RGMA: variants seen among roughly 807,000 people sequenced by gnomAD.
The protein encoded by RGMA is repulsive guidance molecule A.
In RGMA, 10 loss-of-function variants were observed where a neutral mutation model predicts 23.2. The ratio of observed to expected loss-of-function variants is 0.43; its 90% CI spans 0.27 to 0.73. The LOEUF (loss-of-function observed/expected upper bound fraction) is 0.73, where lower values mean the gene tolerates loss of function less well. RGMA is among the 30% of genes least tolerant of loss of function. The pLI is 0.20. For synonymous variants in RGMA, 308 were observed against 279.3 expected (o/e 1.10, Z -1.03); for missense variants, 547 against 630.5 (o/e 0.87, Z 1.42).
chr15:93,057,077 G>A (rs1313754226), intron 2 of RGMA, among the ~76,000 whole-genome samples: 1 of 152,134 alleles, frequency 6.6e-6, no homozygotes, highest in African/African-American at 2.4e-5. Flanking sequence ...TCACTCTCAG[G>A]GCGCAGTGGA....
intron 1 of RGMA, chr15:93,073,276 G>C: frequency 2.3e-6 from 2 of 881,454 alleles, no homozygotes. Context: ...TCGCGCTCGG[G>C]TTTCAGCGAG....
intron 1 of RGMA, chr15:93,073,824 C>T (rs1470146977): frequency 1.3e-6 from 2 of 1,521,214 alleles, no homozygotes; most frequent in Non-Finnish European, 1.8e-6. Context: ...AGACTTGCCC[C>T]GGCTGCGCCC....
At chr15:93,046,741 C>A (rs1265404991) in intron 3 of RGMA, among the ~76,000 whole-genome samples, 1 of 152,086 alleles carries the variant, frequency 6.6e-6, no homozygotes, top group Non-Finnish European at 1.5e-5. Flanking sequence ...AGGAGGGGAA[C>A]AGGAAAGGAG....
intron 2 of RGMA, among the ~76,000 whole-genome samples, chr15:93,068,463 C>T (rs1454979831): frequency 2.0e-5 from 3 of 152,206 alleles, no homozygotes; most frequent in Non-Finnish European, 4.4e-5. Flanking sequence ...GCCCACAGAT[C>T]ACCTCTCCCC....
chr15:93,075,162 G>GA (rs34996234), intron 1 of RGMA, among the ~76,000 whole-genome samples: 116 of 143,940 alleles, frequency 8.1e-4, no homozygotes, highest in South Asian at 2.6e-3. Context: ...TTAAAAGCAG[G>GA]AAAAAAAAAA....
intron 1 of RGMA, chr15:93,073,916 G>A: frequency 6.9e-7 from 1 of 1,438,958 alleles, no homozygotes; most frequent in South Asian, 1.5e-5. Context: ...GGTCCGCGTG[G>A]CGCGCAGGGC....
In RGMA at chr15:93,056,823, T is replaced by C. The variant is rs200220612; in HGVS notation, c.131-4316A>G. Among the ~76,000 whole-genome samples the C allele has an allele frequency of 2.6e-5, 4 of 152,160 alleles. No individual in the cohort carries two copies. In the South Asian group the frequency reaches 8.3e-4, roughly 32 times the overall value. ...TAGAGACTGTGTCCACCTTAAAGGGTCGCTGAGGATATGAGGAGATGTACA... is the reference window on the plus strand; with the variant it reads ...TAGAGACTGTGTCCACCTTAAAGGGCCGCTGAGGATATGAGGAGATGTACA... On this transcript the variant is annotated intron_variant, in intron 2 of 3. Coordinates refer to ENST00000329082, the MANE Select transcript of RGMA (RefSeq NM_020211.3).
rs929006476 is a variant in RGMA at position 93,037,921 on chromosome 15, G to A, written c.*7077C>T. ...TGCCTGGGATCACAGCCCTCATTCC[G>A]GAACGCCACTGACATTACGAGCGTG... is the stretch of plus-strand genomic sequence containing the variant. On this transcript the variant is annotated 3_prime_UTR_variant, in exon 4 of 4. Transcript: ENST00000329082. The surrounding 1 kb of genome is among the most constrained non-coding windows in gnomAD (Gnocchi z 4.3). The A allele has an allele frequency of 1.3e-5, 2 of 152,362 alleles. No homozygotes were observed. Among genetic ancestry groups the A allele is most frequent in the Admixed American group, 6.5e-5 (1 of 15,302 alleles). The allele number at this position is 152,362 out of a possible 1,614,324, so 9.4% of individuals were successfully genotyped here. A position where few individuals can be genotyped will look rare whatever the true frequency, so the allele number is the denominator to read the frequency against.
At chr15:93,079,366 C>T (rs554956349) in intron 1 of RGMA, among the ~76,000 whole-genome samples, 1 of 152,302 alleles carries the variant, frequency 6.6e-6, no homozygotes, top group South Asian at 2.1e-4. Context: ...CCCTCGTCTC[C>T]AGGCCTGTTT....
chr15:93,083,064 C>T (rs2141849059), intron 1 of RGMA, among the ~76,000 whole-genome samples: 1 of 152,344 alleles, frequency 6.6e-6, no homozygotes, highest in African/African-American at 2.4e-5. Flanking sequence ...GACTCCCGGC[C>T]GAGGCTCAGA....
rs574473199 is a variant in RGMA at position 93,059,014 on chromosome 15, G to A, written c.131-6507C>T. 7.8e-4 allele frequency among the ~76,000 whole-genome samples: 69 copies of A among 88,370 alleles called. No homozygotes were observed. In the South Asian group the frequency reaches 0.011, roughly 14 times the overall value. The allele number at this position is 88,370 out of a possible 152,430, so 58.0% of individuals were successfully genotyped here. On this transcript the variant is annotated intron_variant, in intron 2 of 3. Coordinates refer to ENST00000329082, the MANE Select transcript of RGMA (RefSeq NM_020211.3). ...CACATTGCTTTCCTGTTGGATCCTC[G>A]CTACTGCCGATTAGAGGGCAAGAAT...
At chr15:93,047,835 G>A (rs2054849979) in intron 3 of RGMA, among the ~76,000 whole-genome samples, 1 of 152,230 alleles carries the variant, frequency 6.6e-6, no homozygotes, top group Admixed American at 6.5e-5. Flanking sequence ...TGTGGCGAGG[G>A]CACAGTGCGA....
chr15:93,051,102 C>T (rs1295435585), intron 3 of RGMA, among the ~76,000 whole-genome samples: 6 of 152,322 alleles, frequency 3.9e-5, no homozygotes, highest in South Asian at 2.1e-4. Context: ...GCTTATTTCC[C>T]GCCCAGCCAG....
Position 93,040,732 on chromosome 15 carries a change from T to C in RGMA, c.*4266A>G, listed in dbSNP as rs56866392. On this transcript the variant is annotated 3_prime_UTR_variant, in exon 4 of 4. Coordinates refer to ENST00000329082, the MANE Select transcript of RGMA (RefSeq NM_020211.3). ...CAGCAGTCTGTCTGGGTCATTGCGG[T>C]AGCCCCTCACACCCCCCTGAACAAT... 0.09 allele frequency: 13,664 copies of C among 152,336 alleles called. 1,207 individuals are homozygous for C. Among genetic ancestry groups the C allele is most frequent in the African/African-American group, 0.23 (9,376 of 41,464 alleles). 9.4% of individuals were successfully genotyped at this position (152,336 alleles called of 1,614,324 possible). A position where few individuals can be genotyped will look rare whatever the true frequency, so the allele number is the denominator to read the frequency against.
intron 2 of RGMA, among the ~76,000 whole-genome samples, chr15:93,070,918 G>C (rs1217056013): frequency 4.6e-5 from 7 of 152,198 alleles, no homozygotes; most frequent in Non-Finnish European, 8.8e-5. Context: ...TAAAATAAAA[G>C]TTTTTAGGAT....
In RGMA at chr15:93,044,643, C is replaced by T; in HGVS notation, c.*355G>A. ...CAGCAGTCGGCCGGGCCTTTCAGTGCATTGCGAGGGGGAAGGAGCTGACTC... is the reference window on the plus strand; with the variant it reads ...CAGCAGTCGGCCGGGCCTTTCAGTGTATTGCGAGGGGGAAGGAGCTGACTC... On this transcript the variant is annotated 3_prime_UTR_variant, in exon 4 of 4. Transcript: ENST00000329082. 3.0e-6 allele frequency: 1 copy of T among 328,680 alleles called. No homozygotes were observed. The highest frequency in any genetic ancestry group is 5.7e-6 in the Non-Finnish European group (1 of 176,786). 20.4% of individuals were successfully genotyped at this position (328,680 alleles called of 1,614,324 possible). A position where few individuals can be genotyped will look rare whatever the true frequency, so the allele number is the denominator to read the frequency against.
At chr15:93,081,762 C>T (rs1379727371) in intron 1 of RGMA, among the ~76,000 whole-genome samples, 3 of 152,204 alleles carry the variant, frequency 2.0e-5, no homozygotes, top group African/African-American at 7.2e-5. Flanking sequence ...CCAAGTTGTT[C>T]ATCAAATTCA....
chr15:93,071,651 G>C (rs1036135616), intron 2 of RGMA, among the ~76,000 whole-genome samples: 1 of 152,240 alleles, frequency 6.6e-6, no homozygotes, highest in Non-Finnish European at 1.5e-5. Context: ...ACTGTTCACT[G>C]TCTGCGTGGT....
At position 93,035,344 on chromosome 15, in the gene RGMA, G is replaced by C. The variant is rs2054649779; in HGVS notation, c.*9654C>G. Reference sequence around the variant, plus strand: ...AAGACTTTATTTGAGGTGGGGGGCAGTGTTGGACAGGGACCGCTGCAGCTG... The same window carrying C: ...AAGACTTTATTTGAGGTGGGGGGCACTGTTGGACAGGGACCGCTGCAGCTG... On this transcript the variant is annotated 3_prime_UTR_variant, in exon 4 of 4. Coordinates refer to ENST00000329082, the MANE Select transcript of RGMA (RefSeq NM_020211.3). 1 of 152,348 alleles carries C rather than the reference G, an allele frequency of 6.6e-6. No homozygotes were observed. The allele number at this position is 152,348 out of a possible 1,614,324, so 9.4% of individuals were successfully genotyped here.
Sources: gnomAD v4.1 joint callset for allele counts (sites outside exome capture counted in the v4.1 genomes callset) on GRCh38, gnomAD v4.1.1 for gene constraint, Gnocchi (gnomAD v3.1) non-coding constraint, MANE v1.5 for transcripts, NCBI Gene and HGNC (gene_info 2026-07-23, HGNC 2026-07-21) for gene names.